The following GRIK2 variants were observed in gnomAD, a reference collection of about 807,000 sequenced individuals.
The protein encoded by GRIK2 is glutamate receptor ionotropic, kainate 2.
A neutral mutation model predicts 100.3 loss-of-function variants in GRIK2; 32 were observed. The observed-to-expected ratio is 0.32, with a 90% CI of 0.24 to 0.43. The LOEUF is 0.43. GRIK2 is among the 20% of genes least tolerant of loss of function. The probability of loss-of-function intolerance (pLI) is 1.00; values close to 1 mark genes in which losing one functional copy is unlikely to be tolerated. For synonymous variants in GRIK2, 417 were observed against 389.4 expected (o/e 1.07, Z -0.83); for missense variants, 843 against 1,114.9 (o/e 0.76, Z 3.47).
At chr6:101,411,080 G>A (rs1775865873) in intron 2 of GRIK2, among the ~76,000 whole-genome samples, 1 of 152,036 alleles carries the variant, frequency 6.6e-6, no homozygotes, top group Non-Finnish European at 1.5e-5. Context: ...GTGAAGAAAG[G>A]TGTCCCATTC....
intron 2 of GRIK2, among the ~76,000 whole-genome samples, chr6:101,557,830 A>G (rs1582711332): frequency 6.6e-6 from 1 of 152,268 alleles, no homozygotes; most frequent in African/African-American, 2.4e-5. Context: ...TCTCTCCCTA[A>G]CATTACACAA....
chr6:101,777,808 G>C (rs1778844928), intron 7 of GRIK2, among the ~76,000 whole-genome samples: 1 of 152,104 alleles, frequency 6.6e-6, no homozygotes, highest in South Asian at 2.1e-4. Flanking sequence ...GGACCTGCCT[G>C]CACTTACTTA....
chr6:101,870,928 A>G (rs1281333618), intron 11 of GRIK2, among the ~76,000 whole-genome samples: 2 of 151,924 alleles, frequency 1.3e-5, no homozygotes, highest in Non-Finnish European at 2.9e-5. Flanking sequence ...TCTGAAAAAC[A>G]GGGTAAGACA....
At chr6:101,880,766 C>T (rs1375160473) in intron 11 of GRIK2, among the ~76,000 whole-genome samples, 1 of 151,842 alleles carries the variant, frequency 6.6e-6, no homozygotes, top group Non-Finnish European at 1.5e-5. Context: ...ACTGCATGAA[C>T]ATATGAGAAT....
chr6:101,714,718 A>G (rs1773943157), intron 7 of GRIK2, among the ~76,000 whole-genome samples: 2 of 151,664 alleles, frequency 1.3e-5, no homozygotes, highest in African/African-American at 4.8e-5. Flanking sequence ...CTTTGTCACA[A>G]GTCCTGTGCT....
intron 2 of GRIK2, among the ~76,000 whole-genome samples, chr6:101,461,439 G>A (rs1771302108): frequency 6.6e-6 from 1 of 152,164 alleles, no homozygotes; most frequent in African/African-American, 2.4e-5. Context: ...CAAGGTTCTA[G>A]ATGCCACCAC....
chr6:101,801,640 A>G (rs12333116), intron 8 of GRIK2, among the ~76,000 whole-genome samples: 9,815 of 152,004 alleles, frequency 0.065, 338 homozygotes, highest in African/African-American at 0.089. Flanking sequence ...TTTCCAAATG[A>G]CAAACAATGG....
intron 12 of GRIK2, among the ~76,000 whole-genome samples, chr6:101,923,890 A>G (rs1789713728): frequency 7.2e-6 from 1 of 139,702 alleles, no homozygotes; most frequent in African/African-American, 2.8e-5. Context: ...CGCTGCACTC[A>G]CTCCAGCCTG....
intron 14 of GRIK2, among the ~76,000 whole-genome samples, chr6:102,034,148 C>G (rs1012484691): frequency 6.6e-6 from 1 of 151,236 alleles, no homozygotes. Context: ...GCATTTCTAC[C>G]CGGTCTTAGC....
chr6:101,396,312 A>G (rs1026980505), intron 1 of GRIK2, among the ~76,000 whole-genome samples: 1 of 150,244 alleles, frequency 6.7e-6, no homozygotes, highest in African/African-American at 2.4e-5. Context: ...CCCTAGTAAC[A>G]GATGGAAATC....
At chr6:101,748,633 G>A (rs1776594937) in intron 7 of GRIK2, among the ~76,000 whole-genome samples, 1 of 151,848 alleles carries the variant, frequency 6.6e-6, no homozygotes, top group Non-Finnish European at 1.5e-5. Context: ...ATTGATTTAT[G>A]TATCACCAGT....
chr6:101,970,755 G>A (rs1434596213), intron 14 of GRIK2, among the ~76,000 whole-genome samples: 2 of 144,422 alleles, frequency 1.4e-5, no homozygotes, highest in South Asian at 4.2e-4. Flanking sequence ...TATTTAGTTG[G>A]TCCTCAATTT....
chr6:101,686,085 G>A, intron 6 of GRIK2, 95 bp from the exon 7 acceptor site: 1 of 808,816 alleles, frequency 1.2e-6, no homozygotes, highest in Non-Finnish European at 2.0e-6. Context: ...GGTGTTAAGT[G>A]ACCTAAAAAA....
At chr6:102,064,289 T>C (rs1771895723) in intron 16 of GRIK2, among the ~76,000 whole-genome samples, 1 of 149,760 alleles carries the variant, frequency 6.7e-6, no homozygotes, top group Non-Finnish European at 1.5e-5. Flanking sequence ...TCTCTTCTCC[T>C]TCTCCTCCTT....
intron 15 of GRIK2, among the ~76,000 whole-genome samples, chr6:102,049,010 T>C (rs1031838814): frequency 3.3e-5 from 5 of 152,050 alleles, no homozygotes; most frequent in African/African-American, 4.8e-5. Flanking sequence ...AAAAAGCATA[T>C]TTTTATTATT....
intron 14 of GRIK2, among the ~76,000 whole-genome samples, chr6:102,003,388 A>C (rs192559432): frequency 1.3e-5 from 2 of 151,804 alleles, no homozygotes; most frequent in African/African-American, 4.8e-5. Context: ...ATCATCTTGG[A>C]ATCCTCTGGC....
At chr6:101,522,907 A>G (rs1349428763) in intron 2 of GRIK2, among the ~76,000 whole-genome samples, 7 of 150,202 alleles carry the variant, frequency 4.7e-5, no homozygotes, top group African/African-American at 1.7e-4. Context: ...TTTATTATAT[A>G]TTAAATATAT....
At chr6:101,883,755 C>T (rs978962278) in intron 11 of GRIK2, among the ~76,000 whole-genome samples, 7 of 151,972 alleles carry the variant, frequency 4.6e-5, no homozygotes, top group African/African-American at 1.4e-4. Context: ...GAATAGCAAG[C>T]GTAAGGCCTG....
At chr6:101,801,204 T>C (rs1020127387) in intron 8 of GRIK2, among the ~76,000 whole-genome samples, 1 of 152,076 alleles carries the variant, frequency 6.6e-6, no homozygotes, top group Non-Finnish European at 1.5e-5. Flanking sequence ...ACACTTCTAT[T>C]CTTGTACTTC....
Sources: gnomAD v4.1 joint callset for allele counts (sites outside exome capture counted in the v4.1 genomes callset) on GRCh38, gnomAD v4.1.1 for gene constraint, MANE v1.5 for transcripts, NCBI Gene and HGNC (gene_info 2026-07-23, HGNC 2026-07-21) for gene names.